PRMT1: variants seen among roughly 807,000 people sequenced by gnomAD.
PRMT1 encodes protein arginine N-methyltransferase 1.
In PRMT1, 5 loss-of-function variants were observed where a neutral mutation model predicts 47.4. The ratio of observed to expected loss-of-function variants is 0.11; its 90% CI spans 0.06 to 0.22. The LOEUF (loss-of-function observed/expected upper bound fraction) is 0.22, where lower values mean the gene tolerates loss of function less well. Ranked by LOEUF, PRMT1 falls within the 10% of genes least tolerant of loss-of-function variation. The probability of loss-of-function intolerance (pLI) is 1.00; values close to 1 mark genes in which losing one functional copy is unlikely to be tolerated. For missense variants in PRMT1, 249 were observed against 518.4 expected (o/e 0.48, Z 5.05); for synonymous variants, 227 against 204.6 (o/e 1.11, Z -0.94).
In PRMT1 at chr19:49,684,155, G is replaced by A. The variant is rs753744986; in HGVS notation, c.555+86G>A. On this transcript the variant is annotated intron_variant, in intron 6 of 10. Transcript: ENST00000454376. The surrounding 1 kb of genome is among the most constrained non-coding windows in gnomAD (Gnocchi z 6.2). ...ACCACGCTCAATTTTTCCCACAGAC[G>A]GGACTTACTGTGGGGGCTTAGCTGC... is the stretch of plus-strand genomic sequence containing the variant. The A allele has an allele frequency of 2.0e-4, 307 of 1,544,752 alleles. No homozygotes were observed. Among genetic ancestry groups the A allele is most frequent in the Non-Finnish European group, 2.4e-4 (275 of 1,129,490 alleles).
chr19:49,685,923 C>G lies in PRMT1; in HGVS notation c.760-170C>G. 1 of 1,430,040 alleles carries G rather than the reference C, an allele frequency of 7.0e-7. No homozygotes were observed. Among genetic ancestry groups the G allele is most frequent in the South Asian group, 1.5e-5 (1 of 66,496 alleles). The allele number at this position is 1,430,040 out of a possible 1,614,324, so 88.6% of individuals were successfully genotyped here. A position where few individuals can be genotyped will look rare whatever the true frequency, so the allele number is the denominator to read the frequency against. On this transcript the variant is annotated intron_variant, in intron 8 of 10. Transcript: ENST00000454376. The surrounding 1 kb of genome is among the most constrained non-coding windows in gnomAD (Gnocchi z 4.7). ...CGAACCCACATGGTTTATTGGGAGC[C>G]GGATAGGCAGGATGCAGAGTGAAGG...
At chr19:49,677,559 G>A (rs1242938244) in intron 1 of PRMT1, 2 of 389,372 alleles carry the variant, frequency 5.1e-6, no homozygotes, top group Non-Finnish European at 9.1e-6. Context: ...AGGAGGGCTG[G>A]GGGCGCTTCC....
In PRMT1 at chr19:49,686,718, A is replaced by C; in HGVS notation, c.1024A>C (p.Lys342Gln). 1 of 1,609,248 alleles carries C rather than the reference A, an allele frequency of 6.2e-7. No homozygotes were observed. The highest frequency in any genetic ancestry group is 8.5e-7 in the Non-Finnish European group (1 of 1,177,612). ...FGTIGMRPNA[K>Q]NNRDLDFTID... is the part of the protein sequence containing the mutation. Reference sequence around the variant, plus strand: ...CACCATCGGCATGCGGCCCAACGCCAAGAACAACGTGAGGCTCCGGGCAGC... The same window carrying C: ...CACCATCGGCATGCGGCCCAACGCCCAGAACAACGTGAGGCTCCGGGCAGC... The change falls in exon 10 of 11, where the codon AAG becomes CAG. Residue 342 changes from lysine (K) to glutamine (Q), a missense_variant. By Grantham distance (53) the Lys-to-Gln change is moderately conservative. Coordinates refer to ENST00000454376, the MANE Select transcript of PRMT1 (RefSeq NM_001536.6).
chr19:49,687,289 G>A (rs546174242), intron 10 of PRMT1, among the ~76,000 whole-genome samples: 2 of 152,318 alleles, frequency 1.3e-5, no homozygotes, highest in East Asian at 3.9e-4. Context: ...CGGAGACAGG[G>A]TCTGGGCAGA....
rs1391773676 is a variant in PRMT1 at position 49,688,107 on chromosome 19, C to CCCCA, written c.1033-52_1033-51insACCC. The CCCCA allele has an allele frequency of 1.3e-6, 2 of 1,501,818 alleles. No homozygotes were observed. Among genetic ancestry groups the CCCCA allele is most frequent in the African/African-American group, 2.8e-5 (2 of 72,184 alleles). The allele number at this position is 1,501,818 out of a possible 1,614,324, so 93.0% of individuals were successfully genotyped here. ...CGTCGCATAGCCTGCCTGCACCCGC[C>CCCCA]CCCCGCCACCACCTCCTGGTGGGTT... On this transcript the variant is annotated intron_variant, in intron 10 of 10. Coordinates refer to ENST00000454376, the MANE Select transcript of PRMT1 (RefSeq NM_001536.6). The surrounding 1 kb of genome is among the most constrained non-coding windows in gnomAD (Gnocchi z 5.3).
rs1030966895 is a variant in PRMT1, at chr19:49,680,948, T to C, written c.192+360T>C. 6.6e-6 allele frequency among the ~76,000 whole-genome samples: 1 copy of C among 152,246 alleles called. No homozygotes were observed. The highest frequency in any genetic ancestry group is 1.5e-5 in the Non-Finnish European group (1 of 68,036). ...AGCTTCTGCACACTTCAGATCTGAC[T>C]GAAGACACTGAAATCCCAGAACGAA... On this transcript the variant is annotated intron_variant, in intron 3 of 10. Transcript: ENST00000454376. This position sits in a 1 kb window ranked among gnomAD's most constrained non-coding sequence, Gnocchi z 4.2.
chr19:49,686,521 GGTGGGC>G (rs2082206706), intron 9 of PRMT1, 78 bp from the exon 10 acceptor site: 1 of 1,451,526 alleles, frequency 6.9e-7, no homozygotes, highest in Non-Finnish European at 9.3e-7. Context: ...CTGTCATGGG[GGTGGGC>G]ATTCCGACAG....
In PRMT1 at chr19:49,680,107, T is replaced by G; in HGVS notation, c.90+182T>G. On this transcript the variant is annotated intron_variant, in intron 2 of 10. Coordinates refer to ENST00000454376, the MANE Select transcript of PRMT1 (RefSeq NM_001536.6). This position sits in a 1 kb window ranked among gnomAD's most constrained non-coding sequence, Gnocchi z 4.2. ...CACAGCCCCCGCTGGCCTCCCCCAG[T>G]ATCGCCGCTACTTCCTTAACTCCAC... The G allele has an allele frequency of 2.8e-6, 3 of 1,080,770 alleles. No homozygotes were observed. The highest frequency in any genetic ancestry group is 4.1e-6 in the Non-Finnish European group (3 of 725,424). 66.9% of individuals were successfully genotyped at this position (1,080,770 alleles called of 1,614,324 possible).
chr19:49,679,784 C>T (rs982324709), intron 1 of PRMT1, 88 bp from the exon 2 acceptor site: 5 of 973,100 alleles, frequency 5.1e-6, no homozygotes, highest in South Asian at 1.4e-5. Flanking sequence ...TGGAAACCCA[C>T]CCCCCGGCCA....
intron 5 of PRMT1, among the ~76,000 whole-genome samples, 197 bp downstream of exon 5, chr19:49,682,456 G>A (rs1223404155): frequency 1.3e-5 from 2 of 152,152 alleles, no homozygotes; most frequent in African/African-American, 2.4e-5. Flanking sequence ...TAAAATTAGG[G>A]CAAGAAGCAC....
In PRMT1 at chr19:49,685,079, CAA is replaced by C. The variant is rs1171050854; in HGVS notation, c.759+44_759+45del. On this transcript the variant is annotated intron_variant, in intron 8 of 10. Coordinates refer to ENST00000454376, the MANE Select transcript of PRMT1 (RefSeq NM_001536.6). The surrounding 1 kb of genome is among the most constrained non-coding windows in gnomAD (Gnocchi z 4.7). Reference sequence around the variant, plus strand: ...GGCCAGGTGCCCCCTGGGTTGAAACCAAAGAGAGGCCATCACCTGGCCCTGGC... The same window carrying C: ...GGCCAGGTGCCCCCTGGGTTGAAACCAGAGAGGCCATCACCTGGCCCTGGC... 2 of 1,613,168 alleles carry C rather than the reference CAA, an allele frequency of 1.2e-6. No homozygotes were observed. Among genetic ancestry groups the C allele is most frequent in the Admixed American group, 3.3e-5 (2 of 59,764 alleles).
chr19:49,681,851 T>C lies in PRMT1; in HGVS notation c.193-59T>C. On this transcript the variant is annotated intron_variant, in intron 3 of 10. Transcript: ENST00000454376. The surrounding 1 kb of genome is among the most constrained non-coding windows in gnomAD (Gnocchi z 4.4). ...GGCCCTCCGAGCTCTCAGGACACGC[T>C]GTTCTCCAGCTGGGGATATGGGGCC... The C allele has an allele frequency of 2.6e-6, 4 of 1,566,544 alleles. No individual in the cohort carries two copies. Among genetic ancestry groups the C allele is most frequent in the Non-Finnish European group, 1.7e-6 (2 of 1,150,624 alleles).
intron 1 of PRMT1, 121 bp from the exon 2 acceptor site, chr19:49,679,751 T>A: frequency 4.3e-5 from 28 of 645,680 alleles, no homozygotes; most frequent in East Asian, 1.0e-4. Flanking sequence ...TCGCCACCAC[T>A]CCCCACCAAG....
intron 1 of PRMT1, chr19:49,677,622 G>C: frequency 3.3e-6 from 1 of 303,170 alleles, no homozygotes; most frequent in Middle Eastern, 8.6e-4. Flanking sequence ...GGTGTGCCGA[G>C]TCCAGTGGCC....
At chr19:49,687,030 T>C (rs1292994574) in intron 10 of PRMT1, among the ~76,000 whole-genome samples, 2 of 151,962 alleles carry the variant, frequency 1.3e-5, no homozygotes, top group Non-Finnish European at 2.9e-5. Context: ...GTCAGTGACA[T>C]GGTGATGCCA....
Position 49,682,026 on chromosome 19 carries a change from C to T in PRMT1, c.309C>T (p.Cys103=). The T allele has an allele frequency of 1.2e-6, 2 of 1,614,202 alleles. No individual in the cohort carries two copies. Among genetic ancestry groups the T allele is most frequent in the South Asian group, 2.2e-5 (2 of 91,088 alleles). ...LDVGSGTGIL[C]MFAAKAGARK... ...TCGGCTCGGGCACCGGCATCCTCTGCATGTTTGCTGCCAAGGCCGGGGCCC... is the reference window on the plus strand; with the variant it reads ...TCGGCTCGGGCACCGGCATCCTCTGTATGTTTGCTGCCAAGGCCGGGGCCC... Residue 103 remains cysteine, a synonymous_variant, in exon 4 of 11, where the codon TGC becomes TGT. Coordinates refer to ENST00000454376, the MANE Select transcript of PRMT1 (RefSeq NM_001536.6).
At chr19:49,676,722 T>A (rs529622159), upstream of PRMT1, among the ~76,000 whole-genome samples, 32 of 152,244 alleles carry the variant, frequency 2.1e-4, no homozygotes, top group African/African-American at 7.5e-4. Flanking sequence ...GAGTGATAAT[T>A]CCTTTGAGCC....
At chr19:49,683,832 A>G in intron 5 of PRMT1, 95 bp from the exon 6 acceptor site, 4 of 1,425,292 alleles carry the variant, frequency 2.8e-6, no homozygotes, top group South Asian at 2.5e-5. Context: ...AGTTCTCTGA[A>G]CTGAAGTGGG....
Position 49,680,328 on chromosome 19 carries a change from T to G in PRMT1, c.91-159T>G. On this transcript the variant is annotated intron_variant, in intron 2 of 10. Transcript: ENST00000454376. This position sits in a 1 kb window ranked among gnomAD's most constrained non-coding sequence, Gnocchi z 4.2. ...AAAATGGGGTTGTTAGGTTTTGGGG[T>G]TCCTGGGGGGGCAAGATGGCAGGCG... 1 of 1,017,568 alleles carries G rather than the reference T, an allele frequency of 9.8e-7. No individual in the cohort carries two copies. The highest frequency in any genetic ancestry group is 1.5e-6 in the Non-Finnish European group (1 of 653,326). The allele number at this position is 1,017,568 out of a possible 1,614,324, so 63.0% of individuals were successfully genotyped here.
Sources: gnomAD v4.1 joint callset for allele counts (sites outside exome capture counted in the v4.1 genomes callset) on GRCh38, gnomAD v4.1.1 for gene constraint, Gnocchi (gnomAD v3.1) non-coding constraint, MANE v1.5 for transcripts, NCBI Gene and HGNC (gene_info 2026-07-23, HGNC 2026-07-21) for gene names.